VPS13D: variants seen among roughly 807,000 people sequenced by gnomAD.
VPS13D encodes the protein intermembrane lipid transfer protein VPS13D.
VPS13D carries 187 observed loss-of-function variants against 461.9 expected under a neutral mutation model. That is an observed-to-expected ratio of 0.40 (90% CI 0.36 to 0.46). VPS13D has a LOEUF of 0.46. Ranked by LOEUF, VPS13D falls within the 20% of genes least tolerant of loss-of-function variation. VPS13D has a pLI of 0.60. For missense variants in VPS13D, 4,711 were observed against 5,364.9 expected, an observed-to-expected ratio of 0.88 and a Z score of 3.81; for synonymous variants, 1,951 against 1,986.3, an observed-to-expected ratio of 0.98 and a Z score of 0.47.
intron 67 of VPS13D, among the ~76,000 whole-genome samples, chr1:12,492,524 A>C (rs1172488908): frequency 6.6e-6 from 1 of 152,240 alleles, no homozygotes; most frequent in East Asian, 1.9e-4. Flanking sequence ...TTGGATATAG[A>C]TCGCTAGGGC....
chr1:12,323,310 G>A (rs1180161527), intron 34 of VPS13D, among the ~76,000 whole-genome samples: 1 of 151,856 alleles, frequency 6.6e-6, no homozygotes, highest in African/African-American at 2.4e-5. Flanking sequence ...TCCTGGTCTC[G>A]AGTAGTCCCC....
chr1:12,244,631 A>C lies in VPS13D; in HGVS notation c.447+14A>C. On this transcript the variant is annotated intron_variant, in intron 5 of 69. Transcript: ENST00000620676. Reference sequence around the variant, plus strand: ...GAGAATATTGAAGTAAGTCCTGCTGACTTTTATAAAAGTATCAACGTGAAA... The same window carrying C: ...GAGAATATTGAAGTAAGTCCTGCTGCCTTTTATAAAAGTATCAACGTGAAA... 6.2e-7 allele frequency: 1 copy of C among 1,610,442 alleles called. No individual in the cohort carries two copies. The highest frequency in any genetic ancestry group is 8.5e-7 in the Non-Finnish European group (1 of 1,176,808).
At chr1:12,394,291 A>T (rs1644467028) in intron 60 of VPS13D, among the ~76,000 whole-genome samples, 1 of 152,178 alleles carries the variant, frequency 6.6e-6, no homozygotes, top group African/African-American at 2.4e-5. Context: ...CTGCTTGTAT[A>T]AATTAAGTAG....
At chr1:12,274,913 G>A (rs1036705132) in intron 18 of VPS13D, among the ~76,000 whole-genome samples, 2 of 151,932 alleles carry the variant, frequency 1.3e-5, no homozygotes, top group Non-Finnish European at 2.9e-5. Flanking sequence ...GTGAAACCCT[G>A]TCTCTATTAA....
At chr1:12,471,003 T>A (rs1226110933) in intron 67 of VPS13D, among the ~76,000 whole-genome samples, 1 of 152,140 alleles carries the variant, frequency 6.6e-6, no homozygotes, top group Admixed American at 6.5e-5. Context: ...TTCTGTGCAA[T>A]TAATAAGAAC....
At position 12,460,281 on chromosome 1, in the gene VPS13D, T is replaced by A; in HGVS notation, c.12547T>A (p.Ser4183Thr). 2 of 1,612,278 alleles carry A rather than the reference T, an allele frequency of 1.2e-6. No individual in the cohort carries two copies. Among genetic ancestry groups the A allele is most frequent in the South Asian group, 2.2e-5 (2 of 90,680 alleles). The change falls in exon 67 of 70, where the codon TCT becomes ACT. Residue 4183 changes from serine (S) to threonine (T), a missense_variant. Ser to Thr is a moderately conservative substitution (Grantham distance 58, BLOSUM62 1). Around this residue, in one of 3 missense-constraint regions of VPS13D, gnomAD observed 106 missense variants for 206.2 expected, o/e 0.51. Coordinates refer to ENST00000620676, the MANE Select transcript of VPS13D (RefSeq NM_015378.4). ...KTEGGVSGFI[S>T]GLGKGLVGTV... The stretch of plus-strand genomic sequence containing the variant: ...AGAAGGGGGTGTCAGCGGTTTCATA[T>A]CTGGCCTTGGAAAAGGGCTTGTTGG...
chr1:12,333,367 G>T lies in VPS13D; in HGVS notation c.8428+1G>T. ...ATCAATATCACTTCTGTGCTAATTG[G>T]TGAGTAGAAAGTTGTCTTTCATAGA... On this transcript the variant is annotated splice_donor_variant, in intron 38 of 69. Transcript: ENST00000620676. LOFTEE classifies it high-confidence loss of function. 2 of 1,613,918 alleles carry T rather than the reference G, an allele frequency of 1.2e-6. No homozygotes were observed. Among genetic ancestry groups the T allele is most frequent in the Non-Finnish European group, 1.7e-6 (2 of 1,179,896 alleles).
chr1:12,365,797 T>G (rs1022083170), intron 52 of VPS13D, among the ~76,000 whole-genome samples: 1 of 152,158 alleles, frequency 6.6e-6, no homozygotes, highest in African/African-American at 2.4e-5. Flanking sequence ...CAAAATTTAA[T>G]CTTTTATACT....
At chr1:12,285,292 A>ATTTTT (rs1316760884) in intron 21 of VPS13D, among the ~76,000 whole-genome samples, 1 of 141,694 alleles carries the variant, frequency 7.1e-6, no homozygotes, top group Admixed American at 7.1e-5. Flanking sequence ...TTATTTATTT[A>ATTTTT]TTTATTTTTT....
intron 63 of VPS13D, 62 bp downstream of exon 63, chr1:12,404,035 T>G: frequency 6.7e-7 from 1 of 1,487,742 alleles, no homozygotes; most frequent in Non-Finnish European, 9.0e-7. Flanking sequence ...ATGAGTGTGT[T>G]TACTATTTGT....
intron 46 of VPS13D, among the ~76,000 whole-genome samples, chr1:12,352,558 A>ATGACAACACCAAGTGT (rs1553182449): frequency 1.3e-5 from 2 of 152,238 alleles, no homozygotes; most frequent in African/African-American, 2.4e-5. Context: ...TAAAAAAAGA[A>ATGACAACACCAAGTGT]TGACAACACC....
rs773558873 is a variant in VPS13D at position 12,304,696 on chromosome 1, C to T, written c.6407C>T (p.Thr2136Ile). The change falls in exon 26 of 70, where the codon ACA (threonine) becomes ATA (isoleucine). Residue 2136 changes from threonine (T) to isoleucine (I), a missense_variant. By Grantham distance (89) the Thr-to-Ile change is moderately conservative (BLOSUM62 -1). Coordinates refer to ENST00000620676, the MANE Select transcript of VPS13D (RefSeq NM_015378.4). ...ACCAAGCAGCAAGGGCCGCAACCCA[C>T]ACTGTCTGTTGGCCAAGAGTCCAGT... ...TSTKQQGPQP[T>I]LSVGQESSSP... 1.2e-5 allele frequency: 20 copies of T among 1,613,848 alleles called. No homozygotes were observed. Among genetic ancestry groups the T allele is most frequent in the Middle Eastern group, 1.6e-4 (1 of 6,084 alleles).
chr1:12,255,127 G>C (rs1026180341), intron 7 of VPS13D, among the ~76,000 whole-genome samples: 4 of 151,922 alleles, frequency 2.6e-5, no homozygotes, highest in Non-Finnish European at 5.9e-5. Context: ...TGTATTTTTA[G>C]TAGAGACGAG....
chr1:12,483,389 G>T (rs1645750644), intron 67 of VPS13D, among the ~76,000 whole-genome samples: 1 of 152,114 alleles, frequency 6.6e-6, no homozygotes, highest in African/African-American at 2.4e-5. Flanking sequence ...GTTTCAGTTG[G>T]CCATTTGGAT....
intron 18 of VPS13D, among the ~76,000 whole-genome samples, chr1:12,273,909 T>A (rs1412166240): frequency 1.3e-5 from 2 of 152,042 alleles, no homozygotes; most frequent in African/African-American, 4.8e-5. Context: ...TTCTTTTAAA[T>A]TTTTTTTCTT....
At chr1:12,308,092 G>C (rs1412197364) in intron 26 of VPS13D, among the ~76,000 whole-genome samples, 1 of 152,166 alleles carries the variant, frequency 6.6e-6, no homozygotes, top group Non-Finnish European at 1.5e-5. Flanking sequence ...TGCGTGGGGA[G>C]GGATTGCCTA....
At chr1:12,366,068 A>T (rs1047115577) in intron 52 of VPS13D, among the ~76,000 whole-genome samples, 2 of 143,580 alleles carry the variant, frequency 1.4e-5, no homozygotes, top group East Asian at 4.0e-4. Flanking sequence ...TGGCTAATTT[A>T]AAAAAAAAAA....
At position 12,288,213 on chromosome 1, in the gene VPS13D, C is replaced by T. The variant is rs765282901; in HGVS notation, c.5635-10C>T. ...TAATATTGGCCTTGCTTTATCTTGT[C>T]TGTTCCTAGGTTCATTCACTTTCTC... On this transcript the variant is annotated splice_polypyrimidine_tract_variant and intron_variant, in intron 21 of 69. Coordinates refer to ENST00000620676, the MANE Select transcript of VPS13D (RefSeq NM_015378.4). The T allele has an allele frequency of 6.2e-7, 1 of 1,607,152 alleles. No individual in the cohort carries two copies. Among genetic ancestry groups the T allele is most frequent in the South Asian group, 1.1e-5 (1 of 90,458 alleles).
rs1386370748 is a variant in VPS13D at position 12,338,313 on chromosome 1, A to G, written c.8626+8A>G. On this transcript the variant is annotated splice_region_variant and intron_variant, in intron 40 of 69. Coordinates refer to ENST00000620676, the MANE Select transcript of VPS13D (RefSeq NM_015378.4). ...ACCAGATCTATGCTAGAGGTACAGTATAGCCAAGCGAGGGCTTGCTTTATT... is the reference window on the plus strand; with the variant it reads ...ACCAGATCTATGCTAGAGGTACAGTGTAGCCAAGCGAGGGCTTGCTTTATT... 1 of 1,612,478 alleles carries G rather than the reference A, an allele frequency of 6.2e-7. No homozygotes were observed. The highest frequency in any genetic ancestry group is 2.2e-5 in the East Asian group (1 of 44,866).
Sources: gnomAD v4.1 joint callset for allele counts (sites outside exome capture counted in the v4.1 genomes callset) on GRCh38, gnomAD v4.1.1 for gene constraint, gnomAD v4.1.1 regional missense constraint, MANE v1.5 for transcripts, NCBI Gene and HGNC (gene_info 2026-07-23, HGNC 2026-07-21) for gene names.